Variants in KRT25 observed in about 807,000 individuals in gnomAD.
KRT25 encodes the protein keratin 25.
In KRT25, 37 loss-of-function variants were observed where a neutral mutation model predicts 47.6. The observed-to-expected ratio is 0.78, with a 90% CI of 0.60 to 1.02. The LOEUF (loss-of-function observed/expected upper bound fraction) is 1.02. Among genes scored for constraint, KRT25 ranks in the 50% least tolerant of loss-of-function variants. The probability of loss-of-function intolerance (pLI) is 0.00; values close to 1 mark genes in which losing one functional copy is unlikely to be tolerated. For synonymous variants in KRT25, 203 were observed against 210.2 expected, an observed-to-expected ratio of 0.97 and a Z score of 0.30; for missense variants, 542 against 550.3, an observed-to-expected ratio of 0.98 and a Z score of 0.15.
rs771735535 is a variant in KRT25, at chr17:40,750,550, A to C, written c.1005T>G (p.Cys335Trp). 1.7e-5 allele frequency: 28 copies of C among 1,614,104 alleles called. No individual in the cohort carries two copies. Among genetic ancestry groups the C allele is most frequent in the Non-Finnish European group, 2.3e-5 (27 of 1,180,052 alleles). ...CSLTETESNY[C>W]AQLAQIQAQI... ...GAGCCTGGATCTGCGCCAGCTGCGC[A>C]CAGTAGTTGCTCTCGGTCTCTGTCA... Residue 335 changes from cysteine (C) to tryptophan (W), a missense_variant, in exon 6 of 8, where the codon TGT (cysteine) becomes TGG (tryptophan). By Grantham distance (215) the Cys-to-Trp change is radical (BLOSUM62 -2). Transcript: ENST00000312150.
rs781598391 is a variant in KRT25, at chr17:40,755,163, C to A, written c.109G>T (p.Gly37Cys). 1 of 1,614,226 alleles carries A rather than the reference C, an allele frequency of 6.2e-7. No homozygotes were observed. Among genetic ancestry groups the A allele is most frequent in the Non-Finnish European group, 8.5e-7 (1 of 1,180,032 alleles). ...GTSFGTGNSC[G>C]ISGIGSGFSS... Reference sequence around the variant, plus strand: ...AAGCCACTTCCAATCCCTGAAATGCCACAAGAATTTCCAGTACCAAAGCTG... The same window carrying A: ...AAGCCACTTCCAATCCCTGAAATGCAACAAGAATTTCCAGTACCAAAGCTG... Residue 37 changes from glycine to cysteine, a missense_variant, in exon 1 of 8, where the codon GGC (glycine) becomes TGC (cysteine). Gly to Cys is a radical substitution (Grantham distance 159). Transcript: ENST00000312150.
chr17:40,753,588 G>A (rs1425345114), intron 3 of KRT25, among the ~76,000 whole-genome samples: 9 of 149,128 alleles, frequency 6.0e-5, no homozygotes, highest in African/African-American at 2.2e-4. Context: ...GGAGGCTGAG[G>A]CAGGAGAATG....
intron 3 of KRT25, among the ~76,000 whole-genome samples, chr17:40,753,005 G>A (rs973707284): frequency 2.0e-5 from 3 of 152,182 alleles, no homozygotes. Context: ...CACTTTGGAA[G>A]TTTATGATTA....
At position 40,751,232 on chromosome 17, in the gene KRT25, A is replaced by C. The variant is rs151036091; in HGVS notation, c.764T>G (p.Met255Arg). The C allele has an allele frequency of 5.6e-6, 9 of 1,614,184 alleles. No homozygotes were observed. The highest frequency in any genetic ancestry group is 7.6e-6 in the Non-Finnish European group (9 of 1,180,042). The change falls in exon 4 of 8, where the codon ATG (methionine) becomes AGG (arginine). Residue 255 changes from methionine to arginine, a missense_variant. Transcript: ENST00000312150. Reference sequence around the variant, plus strand: ...TGCAAGGGCTTCGTACTCAGCTCGCATGTTGTTCAGCAGAACTGTGAGGTC... The same window carrying C: ...TGCAAGGGCTTCGTACTCAGCTCGCCTGTTGTTCAGCAGAACTGTGAGGTC... ...GVDLTVLLNN[M>R]RAEYEALAEQ...
Position 40,751,029 on chromosome 17 carries a change from T to C in KRT25, c.882A>G (p.Ser294=), listed in dbSNP as rs1346838699. 3 of 1,614,192 alleles carry C rather than the reference T, an allele frequency of 1.9e-6. No individual in the cohort carries two copies. Among genetic ancestry groups the C allele is most frequent in the South Asian group, 1.1e-5 (1 of 91,076 alleles). ...QISEDVGATT[S]ARNELTEMKR... is the part of the protein sequence containing the mutation. ...TCATTTCAGTCAGCTCATTCCGGGCTGAGGTTGTGGCTCCGACATCCTCAG... is the reference window on the plus strand; with the variant it reads ...TCATTTCAGTCAGCTCATTCCGGGCCGAGGTTGTGGCTCCGACATCCTCAG... Residue 294 remains serine, a synonymous_variant, in exon 5 of 8, where the codon TCA becomes TCG. Coordinates refer to ENST00000312150, the MANE Select transcript of KRT25 (RefSeq NM_181534.4).
intron 2 of KRT25, 58 bp from the exon 3 acceptor site, chr17:40,754,074 T>G: frequency 6.6e-7 from 1 of 1,515,348 alleles, no homozygotes; most frequent in Non-Finnish European, 9.1e-7. Flanking sequence ...TAGTCACTAG[T>G]CACTGATCAA....
At position 40,753,960 on chromosome 17, in the gene KRT25, C is replaced by T. The variant is rs1425101979; in HGVS notation, c.569G>A (p.Arg190Gln). 5.0e-6 allele frequency: 8 copies of T among 1,613,948 alleles called. No homozygotes were observed. The highest frequency in any genetic ancestry group is 2.2e-5 in the East Asian group (1 of 44,866). The stretch of plus-strand genomic sequence containing the variant: ...CAGGGTTATTTCATCCAAAACTCTT[C>T]GTAACCCATTGACATCAGCCTCTAC... ...QSVEADVNGLRRVLDEITLCR... is the reference protein window; with the variant it reads ...QSVEADVNGLQRVLDEITLCR... The change falls in exon 3 of 8, where the codon CGA becomes CAA. Residue 190 changes from arginine to glutamine, a missense_variant. By Grantham distance (43) the Arg-to-Gln change is conservative. Transcript: ENST00000312150.
Position 40,755,180 on chromosome 17 carries a change from C to T in KRT25, c.92G>A (p.Gly31Asp), listed in dbSNP as rs770129403. The T allele has an allele frequency of 1.2e-6, 2 of 1,614,204 alleles. No homozygotes were observed. The highest frequency in any genetic ancestry group is 1.7e-6 in the Non-Finnish European group (2 of 1,180,046). ...TGAAATGCCACAAGAATTTCCAGTA[C>T]CAAAGCTGGTTCCCCCACCATAGAG... ...LRLYGGGTSF[G>D]TGNSCGISGI... The change falls in exon 1 of 8, where the codon GGT becomes GAT. Residue 31 changes from glycine (G) to aspartate (D), a missense_variant. Physicochemically the swap from Gly to Asp is moderately conservative, Grantham distance 94. Transcript: ENST00000312150.
rs1415460718 is a variant in KRT25, at chr17:40,750,999, G to C, written c.912C>G (p.Arg304=). The part of the protein sequence containing the change: ...SARNELTEMK[R]TLQTLEIELQ... Reference sequence around the variant, plus strand: ...GTTCAATTTCCAGGGTTTGAAGAGTGCGCTTCATTTCAGTCAGCTCATTCC... The same window carrying C: ...GTTCAATTTCCAGGGTTTGAAGAGTCCGCTTCATTTCAGTCAGCTCATTCC... Residue 304 remains arginine, a synonymous_variant, in exon 5 of 8, where the codon CGC becomes CGG. Transcript: ENST00000312150. The C allele has an allele frequency of 1.9e-6, 3 of 1,614,064 alleles. No homozygotes were observed. The Admixed American group carries it at 5.0e-5, about 27-fold the overall frequency.
rs1217498156 is a variant in KRT25 at position 40,748,274 on chromosome 17, A to G, written c.*3T>C. On this transcript the variant is annotated 3_prime_UTR_variant, in exon 8 of 8. Transcript: ENST00000312150. ...TGGCATACGTTCTCTGTTGCATCTC[A>G]AATTAATTGCTTTGAGATTTCTCTT... 1.9e-6 allele frequency: 3 copies of G among 1,600,518 alleles called. No homozygotes were observed. The highest frequency in any genetic ancestry group is 8.5e-7 in the Non-Finnish European group (1 of 1,170,094).
At chr17:40,754,558 A>G in intron 1 of KRT25, 90 bp from the exon 2 acceptor site, 3 of 1,233,936 alleles carry the variant, frequency 2.4e-6, no homozygotes, top group South Asian at 2.5e-5. Context: ...ATTCTCTTTA[A>G]GAAATCACAA....
chr17:40,751,301 G>T lies in KRT25; in HGVS notation c.695C>A (p.Ala232Asp). The T allele has an allele frequency of 6.2e-7, 1 of 1,613,104 alleles. No homozygotes were observed. The highest frequency in any genetic ancestry group is 8.5e-7 in the Non-Finnish European group (1 of 1,179,510). ...CATCTCCACGTTCACGTTGCCTCCA[G>T]CTGCGCACTGCAGAACTTGCATTTC... ...KEEMQVLQCA[A>D]GGNVNVEMNA... Residue 232 changes from alanine (A) to aspartate (D), a missense_variant, in exon 4 of 8, where the codon GCT (alanine) becomes GAT (aspartate). Ala to Asp is a moderately radical substitution (Grantham distance 126). Transcript: ENST00000312150.
Position 40,748,237 on chromosome 17 carries a change from G to T in KRT25, c.*40C>A, listed in dbSNP as rs377688120. 3.8e-6 allele frequency: 5 copies of T among 1,322,456 alleles called. No homozygotes were observed. In the South Asian group the frequency reaches 3.9e-5, roughly 10 times the overall value. The allele number at this position is 1,322,456 out of a possible 1,614,324, so 81.9% of individuals were successfully genotyped here. Reference sequence around the variant, plus strand: ...GACAGATACATAATGCCTTTTCTTCGCAGGGGCTATGTGGCATACGTTCTC... The same window carrying T: ...GACAGATACATAATGCCTTTTCTTCTCAGGGGCTATGTGGCATACGTTCTC... On this transcript the variant is annotated 3_prime_UTR_variant, in exon 8 of 8. Transcript: ENST00000312150.
chr17:40,754,548 A>G (rs1190525491), intron 1 of KRT25, 80 bp from the exon 2 acceptor site: 15 of 1,319,558 alleles, frequency 1.1e-5, no homozygotes, highest in Non-Finnish European at 1.5e-5. Context: ...CTAAATTGGA[A>G]TTCTCTTTAA....
At chr17:40,750,239 G>A in intron 6 of KRT25, 141 bp downstream of exon 6, 5 of 797,178 alleles carry the variant, frequency 6.3e-6, no homozygotes, top group Non-Finnish European at 8.2e-6. Context: ...TGGCAGTTGA[G>A]TATGTATTAT....
In KRT25 at chr17:40,755,287, G is replaced by A. The variant is rs2038097185; in HGVS notation, c.-16C>T. ...GAAGAGACATGGTATCAGGGCAAAC[G>A]CGTTGCAGAGCTGTATTTGTGAAAG... On this transcript the variant is annotated 5_prime_UTR_variant, in exon 1 of 8. Coordinates refer to ENST00000312150, the MANE Select transcript of KRT25 (RefSeq NM_181534.4). The A allele has an allele frequency of 1.2e-6, 2 of 1,601,296 alleles. No individual in the cohort carries two copies. The highest frequency in any genetic ancestry group is 1.3e-5 in the African/African-American group (1 of 74,624).
At chr17:40,754,748 A>C in intron 1 of KRT25, 95 bp downstream of exon 1, 1 of 961,114 alleles carries the variant, frequency 1.0e-6, no homozygotes, top group Non-Finnish European at 1.5e-6. Flanking sequence ...AATCACAAGT[A>C]GGAATGATAA....
intron 6 of KRT25, 45 bp from the exon 7 acceptor site, chr17:40,749,370 C>T: frequency 2.2e-6 from 3 of 1,343,802 alleles, no homozygotes; most frequent in Non-Finnish European, 3.2e-6. Context: ...AGAACCCCAT[C>T]AATTCTAGGA....
rs541905278 is a variant in KRT25 at position 40,755,162 on chromosome 17, C to T, written c.110G>A (p.Gly37Asp). 14 of 1,614,240 alleles carry T rather than the reference C, an allele frequency of 8.7e-6. No homozygotes were observed. In the East Asian group the frequency reaches 1.3e-4, roughly 15 times the overall value. The change falls in exon 1 of 8, where the codon GGC (glycine) becomes GAC (aspartate). Residue 37 changes from glycine to aspartate, a missense_variant. Transcript: ENST00000312150. ...GTSFGTGNSC[G>D]ISGIGSGFSS... ...GAAGCCACTTCCAATCCCTGAAATG[C>T]CACAAGAATTTCCAGTACCAAAGCT...
Sources: allele counts gnomAD v4.1 joint callset (sites outside exome capture counted in the v4.1 genomes callset), GRCh38; gene constraint gnomAD v4.1.1; transcripts MANE v1.5; gene names NCBI Gene and HGNC (gene_info 2026-07-23, HGNC 2026-07-21).